Variants in DTNA observed in about 807,000 individuals in gnomAD.
DTNA encodes the protein dystrophin-related protein 3.
DTNA carries 43 observed loss-of-function variants against 100.7 expected under a neutral mutation model. The ratio of observed to expected loss-of-function variants is 0.43; its 90% CI spans 0.33 to 0.55. DTNA has a LOEUF of 0.55. DTNA is among the 20% of genes least tolerant of loss of function. DTNA has a pLI of 0.04. For missense variants in DTNA, 798 were observed against 953.9 expected, an observed-to-expected ratio of 0.84 and a Z score of 2.15; for synonymous variants, 349 against 347.9, an observed-to-expected ratio of 1.00 and a Z score of -0.04.
chr18:34,748,198 G>C (rs145347513), intron 1 of DTNA, among the ~76,000 whole-genome samples: 106 of 150,796 alleles, frequency 7.0e-4, no homozygotes, highest in African/African-American at 2.6e-3. Flanking sequence ...TTGTAGATTC[G>C]GGATATTAAT....
At position 34,829,418 on chromosome 18, in the gene DTNA, T is replaced by C. The variant is rs1317165031; in HGVS notation, c.1104T>C (p.Ser368=). The change falls in exon 11 of 23, where the codon AGT becomes AGC. Residue 368 remains serine (S), a synonymous_variant. Transcript: ENST00000444659. The stretch of plus-strand genomic sequence containing the variant: ...CCCTCAGGTTACCTGAGGGAATAAG[T>C]GCATCCAGCCCTGTGGCTGAAGAGC... ...FITRRLPEGI[S]ASSPVAEEHS... is the part of the protein sequence containing the mutation. 9.8e-6 allele frequency: 15 copies of C among 1,535,062 alleles called. No homozygotes were observed. The Middle Eastern group carries it at 6.7e-4, about 69-fold the overall frequency.
At chr18:34,804,196 G>T (rs541261865) in intron 4 of DTNA, among the ~76,000 whole-genome samples, 12 of 152,292 alleles carry the variant, frequency 7.9e-5, no homozygotes, top group Non-Finnish European at 1.5e-4. Context: ...GGCAGACCAT[G>T]TTAGGAGGGG....
In DTNA at chr18:34,820,661, C is replaced by G. The variant is rs1049787131; in HGVS notation, c.877-130C>G. The G allele has an allele frequency of 3.1e-5, 45 of 1,456,410 alleles. No homozygotes were observed. In the Middle Eastern group the frequency reaches 5.4e-4, roughly 18 times the overall value. 90.2% of individuals were successfully genotyped at this position (1,456,410 alleles called of 1,614,324 possible). A position where few individuals can be genotyped will look rare whatever the true frequency, so the allele number is the denominator to read the frequency against. ...TCTTTTCCGAGCATTGAGCAAACTT[C>G]CAGACTCAGAATCAGCACTGAAAAA... On this transcript the variant is annotated intron_variant, in intron 8 of 22. Coordinates refer to ENST00000444659, the MANE Select transcript of DTNA (RefSeq NM_001386795.1).
chr18:34,503,212 T>A (rs2040117514), intron 1 of DTNA, among the ~76,000 whole-genome samples: 1 of 151,952 alleles, frequency 6.6e-6, no homozygotes, highest in Non-Finnish European at 1.5e-5. Flanking sequence ...TTTCCATCCT[T>A]GTACTTTCCA....
At chr18:34,713,603 C>T (rs2083335482) in intron 1 of DTNA, among the ~76,000 whole-genome samples, 1 of 151,508 alleles carries the variant, frequency 6.6e-6, no homozygotes, top group South Asian at 2.1e-4. Context: ...TTAGGATTGA[C>T]TTGGCGATGC....
At chr18:34,643,413 G>A (rs974734940) in intron 1 of DTNA, among the ~76,000 whole-genome samples, 1 of 152,178 alleles carries the variant, frequency 6.6e-6, no homozygotes, top group Non-Finnish European at 1.5e-5. Context: ...TTAAATTATG[G>A]CAGCAGCCTA....
intron 1 of DTNA, among the ~76,000 whole-genome samples, chr18:34,731,165 AT>A (rs1253547264): frequency 2.0e-5 from 3 of 152,234 alleles, no homozygotes; most frequent in Middle Eastern, 3.2e-3. Flanking sequence ...GAAAATGGTG[AT>A]AATTTCTACC....
chr18:34,657,654 G>A (rs1292424040), intron 1 of DTNA, among the ~76,000 whole-genome samples: 2 of 151,980 alleles, frequency 1.3e-5, no homozygotes, highest in Non-Finnish European at 2.9e-5. Flanking sequence ...TCTCCATTTA[G>A]ACAAGGAAGA....
chr18:34,741,590 C>A (rs2090655632), intron 1 of DTNA, among the ~76,000 whole-genome samples: 1 of 152,096 alleles, frequency 6.6e-6, no homozygotes, highest in African/African-American at 2.4e-5. Context: ...TCCTTTGGAG[C>A]AGAATATTCC....
At chr18:34,594,736 G>A (rs1453501706) in intron 1 of DTNA, among the ~76,000 whole-genome samples, 2 of 152,144 alleles carry the variant, frequency 1.3e-5, no homozygotes, top group African/African-American at 2.4e-5. Context: ...GAGTAATCTA[G>A]TGAGGCCAAG....
intron 1 of DTNA, among the ~76,000 whole-genome samples, chr18:34,677,942 G>A (rs1568196457): frequency 6.6e-6 from 1 of 152,148 alleles, no homozygotes. Flanking sequence ...AATTTATAAA[G>A]GAAAGAAGTA....
chr18:34,815,733 A>G (rs2095581861), intron 6 of DTNA, 176 bp from the exon 7 acceptor site: 1 of 614,110 alleles, frequency 1.6e-6, no homozygotes, highest in Admixed American at 2.6e-5. Flanking sequence ...ATAAAAAGCA[A>G]ACGATGTTTT....
At chr18:34,554,687 G>A (rs1490319465) in intron 1 of DTNA, among the ~76,000 whole-genome samples, 1 of 145,544 alleles carries the variant, frequency 6.9e-6, no homozygotes, top group Non-Finnish European at 1.5e-5. Flanking sequence ...TTATTGATTT[G>A]CGTATATTGA....
At chr18:34,777,491 T>C (rs1260853245) in intron 3 of DTNA, among the ~76,000 whole-genome samples, 1 of 152,220 alleles carries the variant, frequency 6.6e-6, no homozygotes, top group African/African-American at 2.4e-5. Flanking sequence ...TCCATCCATT[T>C]TCACACTGTA....
chr18:34,705,984 G>A (rs1289263433), upstream of DTNA, among the ~76,000 whole-genome samples: 1 of 152,028 alleles, frequency 6.6e-6, no homozygotes, highest in Non-Finnish European at 1.5e-5. Context: ...TTTTGCTCTT[G>A]TTTCCCAGGC....
intron 1 of DTNA, among the ~76,000 whole-genome samples, chr18:34,696,635 C>T (rs2080595629): frequency 6.6e-6 from 1 of 152,132 alleles, no homozygotes; most frequent in Non-Finnish European, 1.5e-5. Flanking sequence ...GTAATTCTGT[C>T]ACCAGACCCA....
At chr18:34,753,366 A>ATTTTTTTTTTTT (rs757853063) in intron 1 of DTNA, among the ~76,000 whole-genome samples, 3 of 133,150 alleles carry the variant, frequency 2.3e-5, no homozygotes, top group African/African-American at 9.6e-5. Flanking sequence ...TATTTATTTT[A>ATTTTTTTTTTTT]TTTTTTTTTT....
intron 1 of DTNA, among the ~76,000 whole-genome samples, chr18:34,747,944 TC>T (rs2091860319): frequency 6.6e-6 from 1 of 152,178 alleles, no homozygotes; most frequent in African/African-American, 2.4e-5. Context: ...GTAAAATTGT[TC>T]CCTTTCACCC....
At chr18:34,771,963 T>TG (rs943864850) in intron 3 of DTNA, among the ~76,000 whole-genome samples, 5 of 151,816 alleles carry the variant, frequency 3.3e-5, no homozygotes, top group Non-Finnish European at 5.9e-5. Context: ...AGATCTTTTT[T>TG]TTTTTCAGAA....
Sources: allele counts gnomAD v4.1 joint callset (sites outside exome capture counted in the v4.1 genomes callset), GRCh38; gene constraint gnomAD v4.1.1; transcripts MANE v1.5; gene names NCBI Gene and HGNC (gene_info 2026-07-23, HGNC 2026-07-21).